PRKAR2B: variants seen among roughly 807,000 people sequenced by gnomAD.
The protein encoded by PRKAR2B is cAMP-dependent protein kinase type II-beta regulatory subunit.
In PRKAR2B, 14 loss-of-function variants were observed where a neutral mutation model predicts 49.9. The observed-to-expected ratio is 0.28, with a 90% CI of 0.19 to 0.44. PRKAR2B has a LOEUF of 0.44. PRKAR2B is among the 20% of genes least tolerant of loss of function. PRKAR2B has a pLI of 1.00. For missense variants in PRKAR2B, 393 were observed against 537.9 expected (o/e 0.73, Z 2.67); for synonymous variants, 196 against 197.7 (o/e 0.99, Z 0.07).
intron 2 of PRKAR2B, among the ~76,000 whole-genome samples, chr7:107,083,316 A>G (rs1794551186): frequency 6.6e-6 from 1 of 152,174 alleles, no homozygotes; most frequent in East Asian, 1.9e-4. Context: ...AAGTAGCTCA[A>G]ATTTTTGAAT....
At chr7:107,093,352 C>T (rs1015063040) in intron 2 of PRKAR2B, among the ~76,000 whole-genome samples, 6 of 152,144 alleles carry the variant, frequency 3.9e-5, no homozygotes, top group Admixed American at 1.3e-4. Context: ...ACAAGGGTTC[C>T]AGTTTCTCCA....
intron 2 of PRKAR2B, among the ~76,000 whole-genome samples, chr7:107,097,220 A>G (rs1457790585): frequency 6.6e-6 from 1 of 152,134 alleles, no homozygotes; most frequent in Non-Finnish European, 1.5e-5. Flanking sequence ...TACATTTAGG[A>G]TAGTTAGCTC....
Position 107,156,601 on chromosome 7 carries a change from C to G in PRKAR2B, c.919-383C>G, listed in dbSNP as rs553616867. Among the ~76,000 whole-genome samples, 354 of 152,116 alleles carry G rather than the reference C, an allele frequency of 2.3e-3. 1 individual carries two copies. Among genetic ancestry groups the G allele is most frequent in the Admixed American group, 6.8e-3 (104 of 15,284 alleles). ...CAGGCAGATCTCGAGGTCAGGAGAT[C>G]AAGACCATCCTGGCTAACACGTTGA... On this transcript the variant is annotated intron_variant, in intron 8 of 10. Transcript: ENST00000265717.
At chr7:107,155,572 G>A (rs1021391316) in intron 8 of PRKAR2B, among the ~76,000 whole-genome samples, 11 of 152,030 alleles carry the variant, frequency 7.2e-5, no homozygotes, top group South Asian at 2.1e-4. Flanking sequence ...TCTGACTGGC[G>A]TGAGATGGTT....
At chr7:107,065,322 A>ATGTGTGTGTGTGTGTGTG (rs71134248) in intron 1 of PRKAR2B, among the ~76,000 whole-genome samples, 1 of 143,806 alleles carries the variant, frequency 7.0e-6, no homozygotes, top group Non-Finnish European at 1.5e-5. Flanking sequence ...GGGTGTGTGT[A>ATGTGTGTGTGTGTGTGTG]TGTGTGTGTG....
At chr7:107,147,020 A>G (rs542120774) in intron 6 of PRKAR2B, among the ~76,000 whole-genome samples, 29 of 152,196 alleles carry the variant, frequency 1.9e-4, no homozygotes, top group Middle Eastern at 3.4e-3. Context: ...GCAGTTGTGT[A>G]GGGAAAAAAT....
At chr7:107,148,559 T>TA (rs2115659403) in intron 6 of PRKAR2B, among the ~76,000 whole-genome samples, 1 of 152,288 alleles carries the variant, frequency 6.6e-6, no homozygotes, top group South Asian at 2.1e-4. Flanking sequence ...AATAGCTTTC[T>TA]AAAAAAGTTA....
chr7:107,078,214 AAAAGAAAAAAG>A (rs1468528440), intron 2 of PRKAR2B: 2 of 151,492 alleles, frequency 1.3e-5, no homozygotes, highest in African/African-American at 4.9e-5. Context: ...AAAAAAAAAA[AAAAGAAAAAAG>A]AAAAGAAAAG....
chr7:107,051,332 A>G (rs552179800), intron 1 of PRKAR2B, among the ~76,000 whole-genome samples: 3 of 152,314 alleles, frequency 2.0e-5, no homozygotes, highest in South Asian at 2.1e-4. Flanking sequence ...ATATTAGACT[A>G]TATTTTCCTA....
intron 1 of PRKAR2B, among the ~76,000 whole-genome samples, chr7:107,059,779 C>CT: frequency 6.6e-6 from 1 of 152,018 alleles, no homozygotes; most frequent in South Asian, 2.1e-4. Context: ...CTGGATACCT[C>CT]TGGGGGACCA....
chr7:107,078,210 A>AAAAAG (rs1794440981), intron 2 of PRKAR2B: 1 of 152,452 alleles, frequency 6.6e-6, no homozygotes, highest in Admixed American at 6.6e-5. Context: ...TCAAAAAAAA[A>AAAAAG]AAAAAAAGAA....
intron 2 of PRKAR2B, among the ~76,000 whole-genome samples, chr7:107,081,160 T>G (rs561009054): frequency 7.9e-5 from 12 of 152,356 alleles, no homozygotes; most frequent in Admixed American, 1.3e-4. Context: ...ATTTTGTGTA[T>G]GTATTACAAC....
intron 2 of PRKAR2B, among the ~76,000 whole-genome samples, chr7:107,106,063 A>G (rs917189418): frequency 1.3e-5 from 2 of 152,146 alleles, no homozygotes; most frequent in Non-Finnish European, 2.9e-5. Context: ...CATACCAGGG[A>G]TAGCTCACCC....
In PRKAR2B at chr7:107,137,662, G is replaced by A. The variant is rs576299430; in HGVS notation, c.481-3185G>A. Among the ~76,000 whole-genome samples the A allele has an allele frequency of 5.9e-5, 9 of 152,240 alleles. 1 individual carries two copies. In the East Asian group the frequency reaches 9.6e-4, roughly 16 times the overall value. ...GTTTGTTCCATTTTACCTTCTCACC[G>A]GAAGTCTGTGTGAGAATGCCTCTTT... On this transcript the variant is annotated intron_variant, in intron 4 of 10. Transcript: ENST00000265717.
intron 1 of PRKAR2B, among the ~76,000 whole-genome samples, chr7:107,054,458 TC>T (rs2116751618): frequency 6.6e-6 from 1 of 152,296 alleles, no homozygotes; most frequent in South Asian, 2.1e-4. Context: ...GGTCCTGAAT[TC>T]TCACTCCCCT....
intron 5 of PRKAR2B, among the ~76,000 whole-genome samples, chr7:107,143,218 A>C (rs542932439): frequency 1.2e-4 from 18 of 152,328 alleles, no homozygotes; most frequent in Non-Finnish European, 2.2e-4. Context: ...AATAGTGTAA[A>C]TCGAAGAGTT....
intron 2 of PRKAR2B, among the ~76,000 whole-genome samples, chr7:107,088,094 T>G (rs915359295): frequency 8.5e-5 from 13 of 152,126 alleles, no homozygotes; most frequent in Non-Finnish European, 1.9e-4. Flanking sequence ...CTATTATTAT[T>G]TCCGTTTTAA....
chr7:107,120,988 A>AT (rs1172286998), intron 2 of PRKAR2B, among the ~76,000 whole-genome samples: 2 of 150,708 alleles, frequency 1.3e-5, no homozygotes, highest in Admixed American at 6.6e-5. Context: ...ATAATTTAAA[A>AT]TTTTTTTAAA....
chr7:107,113,894 G>T (rs747722267), intron 2 of PRKAR2B, among the ~76,000 whole-genome samples: 8 of 152,070 alleles, frequency 5.3e-5, no homozygotes, highest in African/African-American at 1.9e-4. Flanking sequence ...TGTCAGAATC[G>T]CACGGGCTAC....
Sources: gnomAD v4.1 joint callset for allele counts (sites outside exome capture counted in the v4.1 genomes callset) on GRCh38, gnomAD v4.1.1 for gene constraint, MANE v1.5 for transcripts, NCBI Gene and HGNC (gene_info 2026-07-23, HGNC 2026-07-21) for gene names.